IBTK: variants seen among roughly 807,000 people sequenced by gnomAD.
The protein encoded by IBTK is BTK-binding protein.
A neutral mutation model predicts 154.9 loss-of-function variants in IBTK; 83 were observed. The observed-to-expected ratio is 0.54, with a 90% CI of 0.45 to 0.64. The LOEUF is 0.64. Ranked by LOEUF, IBTK falls within the 30% of genes least tolerant of loss-of-function variation. The pLI is 0.00. For synonymous variants in IBTK, 515 were observed against 536.1 expected (o/e 0.96, Z 0.54); for missense variants, 1,332 against 1,584.6 (o/e 0.84, Z 2.71).
At position 82,214,581 on chromosome 6, in the gene IBTK, A is replaced by C. The variant is rs1403814998; in HGVS notation, c.1850T>G (p.Leu617Arg). 5.6e-6 allele frequency: 9 copies of C among 1,613,988 alleles called. No homozygotes were observed. In the African/African-American group the frequency reaches 8.0e-5, roughly 14 times the overall value. Residue 617 changes from leucine to arginine, a missense_variant, in exon 12 of 29, where the codon CTC becomes CGC. Coordinates refer to ENST00000306270, the MANE Select transcript of IBTK (RefSeq NM_015525.4). ...AGGATGAACCTTCTCTACCACAAAG[A>C]GATGGCACCCTGCAGAATCTTCATC... ...QKDEDSAGCH[L>R]FVVEKVHPDM...
At position 82,170,816 on chromosome 6, in the gene IBTK, T is replaced by C. The variant is rs997502903; in HGVS notation, c.*609A>G. On this transcript the variant is annotated 3_prime_UTR_variant, in exon 29 of 29. Coordinates refer to ENST00000306270, the MANE Select transcript of IBTK (RefSeq NM_015525.4). Reference sequence around the variant, plus strand: ...TATTCTTATTCCCTTTCCACTGTACTCTACTGCTCAATGCAAAATGGAGAA... The same window carrying C: ...TATTCTTATTCCCTTTCCACTGTACCCTACTGCTCAATGCAAAATGGAGAA... The C allele has an allele frequency of 6.6e-5, 10 of 152,464 alleles. No individual in the cohort carries two copies. The highest frequency in any genetic ancestry group is 2.6e-4 in the Admixed American group (4 of 15,292). 9.4% of individuals were successfully genotyped at this position (152,464 alleles called of 1,614,324 possible).
rs541572489 is a variant in IBTK, at chr6:82,189,703, C to A, written c.3575+1370G>T. 3.3e-5 allele frequency among the ~76,000 whole-genome samples: 5 copies of A among 152,200 alleles called. No individual in the cohort carries two copies. In the South Asian group the frequency reaches 8.3e-4, roughly 25 times the overall value. On this transcript the variant is annotated intron_variant, in intron 25 of 28. Transcript: ENST00000306270. ...AGAGCACAGGACTCTAAGGAATATG[C>A]CTCCAAAAAAATAAGTGAAACAACT...
Position 82,181,911 on chromosome 6 carries a change from T to G in IBTK, c.3693A>C (p.Gly1231=). The change falls in exon 26 of 29, where the codon GGA becomes GGC. Residue 1231 remains glycine, a synonymous_variant. Transcript: ENST00000306270. ...GDHVKKVSFK[G]IENSQAPKIV... ...TTTTTGGTGCCTGAGAATTTTCAAT[T>G]CCTTTAAAAGAAACTTTTTTGACAT... The G allele has an allele frequency of 6.3e-7, 1 of 1,584,268 alleles. No individual in the cohort carries two copies. The highest frequency in any genetic ancestry group is 8.5e-7 in the Non-Finnish European group (1 of 1,172,946).
chr6:82,170,377 C>A lies in IBTK; in HGVS notation c.*1048G>T, dbSNP rs1166601960. On this transcript the variant is annotated 3_prime_UTR_variant, in exon 29 of 29. Coordinates refer to ENST00000306270, the MANE Select transcript of IBTK (RefSeq NM_015525.4). The stretch of plus-strand genomic sequence containing the variant: ...ATAGCAGTGAATTGCTTATGTGTCT[C>A]CCAGGCTTACCTTCCAGAAACTAGA... 2 of 152,382 alleles carry A rather than the reference C, an allele frequency of 1.3e-5. No homozygotes were observed. Among genetic ancestry groups the A allele is most frequent in the Non-Finnish European group, 2.9e-5 (2 of 68,024 alleles). 9.4% of individuals were successfully genotyped at this position (152,382 alleles called of 1,614,324 possible). A position where few individuals can be genotyped will look rare whatever the true frequency, so the allele number is the denominator to read the frequency against.
intron 2 of IBTK, among the ~76,000 whole-genome samples, chr6:82,234,468 A>AGCTG (rs1770643529): frequency 6.6e-6 from 1 of 151,512 alleles, no homozygotes; most frequent in Non-Finnish European, 1.5e-5. Context: ...CCTCCCAAGT[A>AGCTG]GCTGGGATTA....
chr6:82,214,872 A>C, intron 11 of IBTK, 43 bp from the exon 12 acceptor site: 1 of 1,509,788 alleles, frequency 6.6e-7, no homozygotes, highest in Non-Finnish European at 8.9e-7. Flanking sequence ...AAAAATATGA[A>C]GGAAATCCTT....
intron 28 of IBTK, 130 bp from the exon 29 acceptor site, chr6:82,171,686 G>T (rs899989117): frequency 2.6e-6 from 2 of 758,448 alleles, no homozygotes; most frequent in Admixed American, 2.8e-5. Context: ...ATTAAATCAG[G>T]TATCCTGCAT....
chr6:82,214,476 T>A lies in IBTK; in HGVS notation c.1955A>T (p.His652Leu). The change falls in exon 12 of 29, where the codon CAC becomes CTC. Residue 652 changes from histidine (H) to leucine (L), a missense_variant. By Grantham distance (99) the His-to-Leu change is moderately conservative. Transcript: ENST00000306270. The stretch of plus-strand genomic sequence containing the variant: ...ATATTCTTCTGGGTTTTTGTTTAAG[T>A]GTATTCTTGGTTTGAAGCCATGAGT... ...FLTHGFKPRIHLNKNPEEYQG... is the reference protein window; with the variant it reads ...FLTHGFKPRILLNKNPEEYQG... The A allele has an allele frequency of 6.2e-7, 1 of 1,614,118 alleles. No individual in the cohort carries two copies. Among genetic ancestry groups the A allele is most frequent in the South Asian group, 1.1e-5 (1 of 91,078 alleles).
intron 5 of IBTK, among the ~76,000 whole-genome samples, chr6:82,226,902 G>A (rs1000161653): frequency 3.9e-5 from 6 of 152,094 alleles, no homozygotes; most frequent in Non-Finnish European, 7.3e-5. Context: ...CACTGCGCCC[G>A]GCCTAGTCTG....
At chr6:82,177,499 G>A (rs1178806278) in intron 26 of IBTK, among the ~76,000 whole-genome samples, 2 of 151,882 alleles carry the variant, frequency 1.3e-5, no homozygotes, top group East Asian at 1.9e-4. Context: ...CACAACCTCC[G>A]CCTCCTGGGT....
At chr6:82,232,576 A>G (rs1770549081) in intron 3 of IBTK, among the ~76,000 whole-genome samples, 1 of 152,204 alleles carries the variant, frequency 6.6e-6, no homozygotes, top group Non-Finnish European at 1.5e-5. Context: ...GAAATACAGA[A>G]TGTGTCCTTA....
intron 13 of IBTK, among the ~76,000 whole-genome samples, chr6:82,211,781 G>A (rs926026921): frequency 3.3e-5 from 5 of 152,002 alleles, no homozygotes; most frequent in Non-Finnish European, 5.9e-5. Flanking sequence ...AAAGGGAGCC[G>A]AATACAAATA....
In IBTK at chr6:82,214,816, GA is replaced by G; in HGVS notation, c.1614del (p.Pro539GlnfsTer16). ...QSDPKTSLYE[I>X]PAVSSSSFFE... ...AAAAAGGATGATGAGGACACAGCTGGAATTTCATAAAGGCTAGAAAGAAGAC... is the reference window on the plus strand; with the variant it reads ...AAAAAGGATGATGAGGACACAGCTGGATTTCATAAAGGCTAGAAAGAAGAC... On this transcript the variant is annotated frameshift_variant, in exon 12 of 29. Transcript: ENST00000306270. LOFTEE classifies it high-confidence loss of function. 1 of 1,576,648 alleles carries G rather than the reference GA, an allele frequency of 6.3e-7. No individual in the cohort carries two copies. Among genetic ancestry groups the G allele is most frequent in the Non-Finnish European group, 8.6e-7 (1 of 1,162,208 alleles).
intron 25 of IBTK, among the ~76,000 whole-genome samples, chr6:82,189,973 T>A (rs1474622777): frequency 6.6e-6 from 1 of 152,160 alleles, no homozygotes; most frequent in Non-Finnish European, 1.5e-5. Flanking sequence ...TCTGTCTTGT[T>A]CATTGCCTTA....
At position 82,210,855 on chromosome 6, in the gene IBTK, A is replaced by G; in HGVS notation, c.2468T>C (p.Ile823Thr). ...TTCATCAGTATAGAGGTAGTCCAAA[A>G]TAACTTTTAATATATCAGAATGTAT... Reference protein sequence around the residue: ...MPIHSDILKVILDYLYTDEAV... With the variant: ...MPIHSDILKVTLDYLYTDEAV... Residue 823 changes from isoleucine (I) to threonine (T), a missense_variant, in exon 16 of 29, where the codon ATT becomes ACT. Ile to Thr is a moderately conservative substitution (Grantham distance 89, BLOSUM62 -1). Around this residue, in one of 3 missense-constraint regions of IBTK, gnomAD observed 1,134 missense variants for 1,274.7 expected, o/e 0.89. Transcript: ENST00000306270. The G allele has an allele frequency of 6.3e-7, 1 of 1,579,584 alleles. No individual in the cohort carries two copies. Among genetic ancestry groups the G allele is most frequent in the South Asian group, 1.2e-5 (1 of 85,100 alleles).
rs1160285196 is a variant in IBTK at position 82,211,554 on chromosome 6, C to G, written c.2310G>C (p.Val770=). 12 of 1,613,158 alleles carry G rather than the reference C, an allele frequency of 7.4e-6. No homozygotes were observed. The highest frequency in any genetic ancestry group is 1.0e-5 in the Non-Finnish European group (12 of 1,179,360). Residue 770 remains valine (V), a synonymous_variant, in exon 14 of 29, where the codon GTG becomes GTC. Transcript: ENST00000306270. ...CCTTTCCATCCACTGATTTCATGGT[C>G]ACGTCACACAGAAATGAACTGCAAG... ...SQKKCSFLCD[V]TMKSVDGKEF... is the part of the protein sequence containing the mutation.
intron 1 of IBTK, among the ~76,000 whole-genome samples, chr6:82,244,385 T>C (rs1771066314): frequency 6.6e-6 from 1 of 152,244 alleles, no homozygotes; most frequent in Non-Finnish European, 1.5e-5. Context: ...TTGCCTTCCC[T>C]GCTTTTATGT....
chr6:82,175,768 G>T (rs1030730407), intron 26 of IBTK, among the ~76,000 whole-genome samples: 2 of 152,018 alleles, frequency 1.3e-5, no homozygotes, highest in African/African-American at 4.8e-5. Context: ...AGTGGCTCAC[G>T]CCTGTAATCC....
rs1165098645 is a variant in IBTK at position 82,214,570 on chromosome 6, C to T, written c.1861G>A (p.Glu621Lys). Residue 621 changes from glutamate (E) to lysine (K), a missense_variant, in exon 12 of 29, where the codon GAG (glutamate) becomes AAG (lysine). Glu to Lys is a moderately conservative substitution (Grantham distance 56). Coordinates refer to ENST00000306270, the MANE Select transcript of IBTK (RefSeq NM_015525.4). ...TCAAACATGTCAGGATGAACCTTCTCTACCACAAAGAGATGGCACCCTGCA... is the reference window on the plus strand; with the variant it reads ...TCAAACATGTCAGGATGAACCTTCTTTACCACAAAGAGATGGCACCCTGCA... ...DSAGCHLFVV[E>K]KVHPDMFEYL... The T allele has an allele frequency of 3.1e-6, 5 of 1,613,946 alleles. No individual in the cohort carries two copies. Among genetic ancestry groups the T allele is most frequent in the Non-Finnish European group, 4.2e-6 (5 of 1,180,020 alleles).
Sources: allele counts gnomAD v4.1 joint callset (sites outside exome capture counted in the v4.1 genomes callset), GRCh38; gene constraint gnomAD v4.1.1; regional missense constraint gnomAD v4.1.1; transcripts MANE v1.5; gene names NCBI Gene and HGNC (gene_info 2026-07-23, HGNC 2026-07-21).